ZNF518B: variants seen among roughly 807,000 people sequenced by gnomAD.
ZNF518B encodes zinc finger protein 518B.
ZNF518B carries 23 observed loss-of-function variants against 56.3 expected under a neutral mutation model. The observed-to-expected ratio is 0.41, with a 90% CI of 0.29 to 0.58. The LOEUF (loss-of-function observed/expected upper bound fraction) is 0.58. ZNF518B is among the 20% of genes least tolerant of loss of function. ZNF518B has a pLI of 0.32. For missense variants in ZNF518B, 1,460 were observed against 1,272.1 expected, an observed-to-expected ratio of 1.15 and a Z score of -2.25; for synonymous variants, 529 against 465.9, an observed-to-expected ratio of 1.14 and a Z score of -1.74.
chr4:10,454,136 G>A (rs1715434751), intron 2 of ZNF518B: 1 of 152,212 alleles, frequency 6.6e-6, no homozygotes, highest in South Asian at 2.1e-4. Flanking sequence ...CGACATCCTT[G>A]TACAAGATTT....
intron 2 of ZNF518B, chr4:10,452,676 T>C (rs1395875784): frequency 6.6e-6 from 1 of 152,172 alleles, no homozygotes; most frequent in Non-Finnish European, 1.5e-5. Flanking sequence ...CTTCTTGGCT[T>C]CTAAACTATG....
chr4:10,449,954 A>G (rs1380260111), intron 2 of ZNF518B, among the ~76,000 whole-genome samples: 1 of 152,182 alleles, frequency 6.6e-6, no homozygotes. Flanking sequence ...AGTCCTTTCA[A>G]AAGTTGGGGG....
At position 10,443,384 on chromosome 4, in the gene ZNF518B, T is replaced by C. The variant is rs1273753800; in HGVS notation, c.2945A>G (p.Gln982Arg). 1 of 1,614,170 alleles carries C rather than the reference T, an allele frequency of 6.2e-7. No individual in the cohort carries two copies. The highest frequency in any genetic ancestry group is 8.5e-7 in the Non-Finnish European group (1 of 1,180,056). Residue 982 changes from glutamine to arginine, a missense_variant, in exon 3 of 3, where the codon CAG becomes CGG. By Grantham distance (43) the Gln-to-Arg change is conservative. Coordinates refer to ENST00000326756, the MANE Select transcript of ZNF518B (RefSeq NM_053042.3). ...TACATGATGCCGTCTGATGCCTAGC[T>C]GACACCTAGTCCTCTCTGATAAAAC... is the stretch of plus-strand genomic sequence containing the variant. The part of the protein sequence containing the change: ...KVVLSERTRC[Q>R]LGIRRHHVRL...
At position 10,445,702 on chromosome 4, in the gene ZNF518B, C is replaced by T. The variant is rs758696006; in HGVS notation, c.627G>A (p.Thr209=). Residue 209 remains threonine, a synonymous_variant, in exon 3 of 3, where the codon ACG becomes ACA. Transcript: ENST00000326756. ...CACCTGCCCTTTCATGTACTCTCTT[C>T]GTGTGTTTGACAATATAATCATTTC... is the stretch of plus-strand genomic sequence containing the variant. ...AIRNDYIVKH[T]KRVHERAGAK... is the part of the protein sequence containing the mutation. 7.4e-6 allele frequency: 12 copies of T among 1,614,026 alleles called. No individual in the cohort carries two copies. Among genetic ancestry groups the T allele is most frequent in the South Asian group, 5.5e-5 (5 of 91,082 alleles).
At position 10,443,580 on chromosome 4, in the gene ZNF518B, A is replaced by C. The variant is rs771274887; in HGVS notation, c.2749T>G (p.Phe917Val). Residue 917 changes from phenylalanine (F) to valine (V), a missense_variant, in exon 3 of 3, where the codon TTT becomes GTT. Transcript: ENST00000326756. The stretch of plus-strand genomic sequence containing the variant: ...AGTCTTAGTTGCCTTGCAACCTGAA[A>C]AATTGAAGGATCCTTGAGACAGCGG... ...PSRCLKDPSI[F>V]QVARQLRLIA... is the part of the protein sequence containing the mutation. 1 of 1,614,200 alleles carries C rather than the reference A, an allele frequency of 6.2e-7. No homozygotes were observed. The highest frequency in any genetic ancestry group is 1.7e-5 in the Admixed American group (1 of 60,026).
In ZNF518B at chr4:10,444,435, C is replaced by T. The variant is rs1162985941; in HGVS notation, c.1894G>A (p.Val632Ile). 1 of 1,614,106 alleles carries T rather than the reference C, an allele frequency of 6.2e-7. No individual in the cohort carries two copies. Among genetic ancestry groups the T allele is most frequent in the African/African-American group, 1.3e-5 (1 of 74,946 alleles). Reference sequence around the variant, plus strand: ...CTCAGAGAAAATACTGATGAGATGACTGGGCCATCATTAGTGTTGTTAGTC... The same window carrying T: ...CTCAGAGAAAATACTGATGAGATGATTGGGCCATCATTAGTGTTGTTAGTC... Reference protein sequence around the residue: ...ERTNNTNDGPVISSVFSLSSG... With the variant: ...ERTNNTNDGPIISSVFSLSSG... The change falls in exon 3 of 3, where the codon GTC (valine) becomes ATC (isoleucine). Residue 632 changes from valine (V) to isoleucine (I), a missense_variant. By Grantham distance (29) the Val-to-Ile change is conservative. Transcript: ENST00000326756.
At chr4:10,450,817 G>A (rs1715270766) in intron 2 of ZNF518B, 2 of 152,194 alleles carry the variant, frequency 1.3e-5, no homozygotes, top group African/African-American at 4.8e-5. Flanking sequence ...AAAAGCCTCT[G>A]CATTTGGCGT....
Position 10,444,900 on chromosome 4 carries a change from G to A in ZNF518B, c.1429C>T (p.Pro477Ser). ...GAATGACCTTTTAAGGCAACGGAAG[G>A]AAAAGCAGTTCTATGTGGATACAAA... ...NNLYPHRTAF[P>S]SVALKGHSLA... is the part of the protein sequence containing the mutation. The change falls in exon 3 of 3, where the codon CCT (proline) becomes TCT (serine). Residue 477 changes from proline (P) to serine (S), a missense_variant. Coordinates refer to ENST00000326756, the MANE Select transcript of ZNF518B (RefSeq NM_053042.3). 2.5e-6 allele frequency: 4 copies of A among 1,612,154 alleles called. No homozygotes were observed. The highest frequency in any genetic ancestry group is 1.7e-5 in the Admixed American group (1 of 59,412).
At chr4:10,453,276 G>C (rs931461139) in intron 2 of ZNF518B, 3 of 152,192 alleles carry the variant, frequency 2.0e-5, no homozygotes, top group Non-Finnish European at 2.9e-5. Flanking sequence ...ACAGGTAGAA[G>C]AGTCCAGTAA....
rs1368060358 is a variant in ZNF518B at position 10,440,829 on chromosome 4, G to C, written c.*2275C>G. 2 of 151,994 alleles carry C rather than the reference G, an allele frequency of 1.3e-5. No individual in the cohort carries two copies. Among genetic ancestry groups the C allele is most frequent in the African/African-American group, 4.8e-5 (2 of 41,362 alleles). 9.4% of individuals were successfully genotyped at this position (151,994 alleles called of 1,614,324 possible). ...AGCTTTTCAGGAAAAAGCACTATGT[G>C]GTGAGGAATAGGAGATAAAAAAGTG... On this transcript the variant is annotated 3_prime_UTR_variant, in exon 3 of 3. Coordinates refer to ENST00000326756, the MANE Select transcript of ZNF518B (RefSeq NM_053042.3).
chr4:10,443,940 G>A lies in ZNF518B; in HGVS notation c.2389C>T (p.Pro797Ser), dbSNP rs765432092. 9 of 1,614,200 alleles carry A rather than the reference G, an allele frequency of 5.6e-6. No individual in the cohort carries two copies. The South Asian group carries it at 9.9e-5, about 18-fold the overall frequency. Residue 797 changes from proline to serine, a missense_variant, in exon 3 of 3, where the codon CCT (proline) becomes TCT (serine). Transcript: ENST00000326756. ...AHIIEATCEAPVSIPCSERQL... is the reference protein window; with the variant it reads ...AHIIEATCEASVSIPCSERQL... ...CTTTCACTGCAAGGTATGCTGACAG[G>A]TGCTTCACATGTAGCCTCTATGATG...
chr4:10,449,057 T>G lies in ZNF518B; in HGVS notation c.-211-2518A>C, dbSNP rs187198375. Among the ~76,000 whole-genome samples, 86 of 152,278 alleles carry G rather than the reference T, an allele frequency of 5.6e-4. No homozygotes were observed. The East Asian group carries it at 0.012, about 22-fold the overall frequency. ...CTTTATCATCTAAAGAATGCTACCA[T>G]CATCAATATAGTCATGTCAACATTG... is the stretch of plus-strand genomic sequence containing the variant. On this transcript the variant is annotated intron_variant, in intron 2 of 2. Coordinates refer to ENST00000326756, the MANE Select transcript of ZNF518B (RefSeq NM_053042.3).
Position 10,443,408 on chromosome 4 carries a change from A to G in ZNF518B, c.2921T>C (p.Val974Ala), listed in dbSNP as rs905690687. The G allele has an allele frequency of 2.5e-6, 4 of 1,614,198 alleles. No homozygotes were observed. The highest frequency in any genetic ancestry group is 3.4e-6 in the Non-Finnish European group (4 of 1,180,038). Residue 974 changes from valine to alanine, a missense_variant, in exon 3 of 3, where the codon GTT becomes GCT. Transcript: ENST00000326756. ...NKYKGNVLKVVLSERTRCQLG... is the reference protein window; with the variant it reads ...NKYKGNVLKVALSERTRCQLG... Reference sequence around the variant, plus strand: ...CTGACACCTAGTCCTCTCTGATAAAACAACTTTGAGGACATTGCCTTTGTA... The same window carrying G: ...CTGACACCTAGTCCTCTCTGATAAAGCAACTTTGAGGACATTGCCTTTGTA...
rs754669840 is a variant in ZNF518B at position 10,444,823 on chromosome 4, T to C, written c.1506A>G (p.Ser502=). ...CAGCAGCTTTATATGGAAAAGGGTT[T>C]GATGCAGCTCCAAGACTACGTAAAA... ...NSVLRSLGAA[S]NPFPYKAAVC... The change falls in exon 3 of 3, where the codon TCA becomes TCG. Residue 502 remains serine (S), a synonymous_variant. Transcript: ENST00000326756. 2.5e-6 allele frequency: 4 copies of C among 1,614,090 alleles called. No homozygotes were observed. The South Asian group carries it at 4.4e-5, about 18-fold the overall frequency.
chr4:10,459,621 G>T (rs936992046), upstream of ZNF518B, among the ~76,000 whole-genome samples: 4 of 152,082 alleles, frequency 2.6e-5, no homozygotes, highest in African/African-American at 9.7e-5. Flanking sequence ...TCCTTACAAG[G>T]GACACCATTC....
chr4:10,461,312 C>A (rs1034141688), upstream of ZNF518B, among the ~76,000 whole-genome samples: 3 of 152,344 alleles, frequency 2.0e-5, no homozygotes, highest in East Asian at 1.9e-4. Context: ...TCTCCTGGCC[C>A]GCACACTCAG....
Position 10,445,438 on chromosome 4 carries a change from C to T in ZNF518B, c.891G>A (p.Leu297=). The stretch of plus-strand genomic sequence containing the variant: ...ATAGGTTGACTTCATTTGGCTCAGA[C>T]AGGGTCATTTTATTTGGAATACAAA... ...DVVCIPNKMT[L]SEPNEVNLFE... The change falls in exon 3 of 3, where the codon CTG becomes CTA. Residue 297 remains leucine (L), a synonymous_variant. Coordinates refer to ENST00000326756, the MANE Select transcript of ZNF518B (RefSeq NM_053042.3). 8.7e-6 allele frequency: 14 copies of T among 1,614,244 alleles called. No homozygotes were observed. Among genetic ancestry groups the T allele is most frequent in the Non-Finnish European group, 1.2e-5 (14 of 1,180,040 alleles).
chr4:10,452,182 G>A (rs967901691), intron 2 of ZNF518B: 10 of 152,172 alleles, frequency 6.6e-5, no homozygotes, highest in Non-Finnish European at 1.2e-4. Context: ...CACATGAAAT[G>A]GAGTGGCAGG....
upstream of ZNF518B, among the ~76,000 whole-genome samples, chr4:10,461,010 G>GC (rs1284355707): frequency 1.3e-5 from 2 of 152,106 alleles, no homozygotes; most frequent in African/African-American, 4.8e-5. Context: ...AGGGATAAAG[G>GC]CCCCCCAAGC....
Sources: gnomAD v4.1 joint callset for allele counts (sites outside exome capture counted in the v4.1 genomes callset) on GRCh38, gnomAD v4.1.1 for gene constraint, MANE v1.5 for transcripts, NCBI Gene and HGNC (gene_info 2026-07-23, HGNC 2026-07-21) for gene names.